Variants in WDR88 observed in about 807,000 individuals in gnomAD.
The protein encoded by WDR88 is WD repeat-containing protein 88.
WDR88 carries 40 observed loss-of-function variants against 46.8 expected under a neutral mutation model. The ratio of observed to expected loss-of-function variants is 0.86; its 90% CI spans 0.66 to 1.11. WDR88 has a LOEUF of 1.11. Among genes scored for constraint, WDR88 ranks in the 50% most tolerant of loss-of-function variants. The pLI, the probability that WDR88 is intolerant of heterozygous loss-of-function variation, is 0.00. For synonymous variants in WDR88, 235 were observed against 240.7 expected (o/e 0.98, Z 0.22); for missense variants, 562 against 602.4 (o/e 0.93, Z 0.70).
intron 10 of WDR88, chr19:33,174,454 A>G (rs1189326690): frequency 5.5e-5 from 54 of 985,252 alleles, no homozygotes; most frequent in Non-Finnish European, 6.4e-5. Context: ...GCCTCTGCCC[A>G]TGGCCTAGGA....
chr19:33,152,271 A>G (rs1050647759), intron 6 of WDR88, among the ~76,000 whole-genome samples: 1 of 151,510 alleles, frequency 6.6e-6, no homozygotes, highest in South Asian at 2.1e-4. Context: ...ACAACATAAA[A>G]CATGATATTT....
intron 7 of WDR88, among the ~76,000 whole-genome samples, chr19:33,160,036 C>T (rs375552648): frequency 2.6e-5 from 4 of 152,052 alleles, no homozygotes; most frequent in East Asian, 1.9e-4. Context: ...CCGTGAGAAT[C>T]GAATGCTGCA....
chr19:33,133,605 A>G (rs1433718846), intron 1 of WDR88, among the ~76,000 whole-genome samples: 1 of 152,208 alleles, frequency 6.6e-6, no homozygotes, highest in African/African-American at 2.4e-5. Context: ...ACTCACATGC[A>G]GATGTCAGAG....
chr19:33,139,393 G>A (rs1973343583), intron 2 of WDR88, among the ~76,000 whole-genome samples: 1 of 152,258 alleles, frequency 6.6e-6, no homozygotes, highest in Non-Finnish European at 1.5e-5. Flanking sequence ...AGAAGGCTGT[G>A]TGGCTGGGGC....
In WDR88 at chr19:33,155,079, C is replaced by T. The variant is rs117842397; in HGVS notation, c.810-1276C>T. ...GTTACAAACAAAAAGTGGCAAAATA[C>T]AGACAGGCTTTTTATTATTATTATT... On this transcript the variant is annotated intron_variant, in intron 6 of 10. Coordinates refer to ENST00000355868, the MANE Select transcript of WDR88 (RefSeq NM_173479.4). Among the ~76,000 whole-genome samples, 559 of 152,294 alleles carry T rather than the reference C, an allele frequency of 3.7e-3. 6 individuals carry two copies. Among genetic ancestry groups the T allele is most frequent in the Admixed American group, 7.7e-3 (118 of 15,286 alleles).
intron 7 of WDR88, among the ~76,000 whole-genome samples, chr19:33,159,072 T>G (rs960419213): frequency 6.6e-6 from 1 of 151,810 alleles, no homozygotes; most frequent in South Asian, 2.1e-4. Context: ...GCTCACAGCT[T>G]TAATTTCAGT....
intron 10 of WDR88, among the ~76,000 whole-genome samples, chr19:33,173,055 G>C (rs940370450): frequency 1.6e-5 from 2 of 123,564 alleles, no homozygotes; most frequent in Non-Finnish European, 3.2e-5. Context: ...TTGCGCCACT[G>C]CACTCTAGCC....
chr19:33,138,978 G>A (rs1377761031), intron 2 of WDR88, among the ~76,000 whole-genome samples: 4 of 152,080 alleles, frequency 2.6e-5, no homozygotes, highest in East Asian at 1.9e-4. Flanking sequence ...CACTGTGCCC[G>A]GCCACCCCAC....
At chr19:33,157,708 T>C (rs1164837843) in intron 7 of WDR88, among the ~76,000 whole-genome samples, 6 of 21,982 alleles carry the variant, frequency 2.7e-4, no homozygotes, top group Non-Finnish European at 4.5e-4. Flanking sequence ...TATATATATA[T>C]ATATATATAT....
rs1438482147 is a variant in WDR88 at position 33,161,555 on chromosome 19, G to A, written c.1080+1059G>A. On this transcript the variant is annotated intron_variant, in intron 8 of 10. Transcript: ENST00000355868. ...TGTGTCCTTGAGCAGCCCATATTCA[G>A]GTCCCTGGGGCTGGTCTATCTGAGC... 4.6e-5 allele frequency among the ~76,000 whole-genome samples: 7 copies of A among 152,150 alleles called. No individual in the cohort carries two copies. The East Asian group carries it at 1.4e-3, about 29-fold the overall frequency.
intron 6 of WDR88, among the ~76,000 whole-genome samples, chr19:33,154,571 T>C (rs1005676192): frequency 3.3e-4 from 50 of 152,242 alleles, no homozygotes; most frequent in African/African-American, 1.2e-3. Context: ...TTCCATGGTG[T>C]ATATGTACCA....
chr19:33,172,421 T>C lies in WDR88; in HGVS notation c.1223T>C (p.Val408Ala). ...IPLVIKYKKA[V>A]GLKLKQCERC... ...TTGGTAATCAAGTACAAAAAGGCCG[T>C]GGGCTTAAAGTTGAAACAGGTTGGT... The change falls in exon 10 of 11, where the codon GTG becomes GCG. Residue 408 changes from valine to alanine, a missense_variant. Physicochemically the swap from Val to Ala is moderately conservative, Grantham distance 64 (BLOSUM62 0). Transcript: ENST00000355868. 6.2e-7 allele frequency: 1 copy of C among 1,614,120 alleles called. No individual in the cohort carries two copies. The highest frequency in any genetic ancestry group is 8.5e-7 in the Non-Finnish European group (1 of 1,179,994).
Position 33,173,586 on chromosome 19 carries a change from A to C in WDR88, c.1242+1146A>C, listed in dbSNP as rs553052466. 1.6e-3 allele frequency among the ~76,000 whole-genome samples: 251 copies of C among 152,328 alleles called. 1 individual carries two copies. Among genetic ancestry groups the C allele is most frequent in the African/African-American group, 5.3e-3 (222 of 41,578 alleles). ...CCTCCTCTCAGAAGGTTCGGCTGGG[A>C]GCCACTGCTTCTGGGAATGGCTAAT... On this transcript the variant is annotated intron_variant, in intron 10 of 10. Coordinates refer to ENST00000355868, the MANE Select transcript of WDR88 (RefSeq NM_173479.4).
rs570886116 is a variant in WDR88 at position 33,145,593 on chromosome 19, G to A, written c.476+661G>A. On this transcript the variant is annotated intron_variant, in intron 3 of 10. Transcript: ENST00000355868. The stretch of plus-strand genomic sequence containing the variant: ...TCTGTTGCCCAGGCTGGAGTATAGT[G>A]GTGCGATCTCGGCTCATTGCAACCT... Among the ~76,000 whole-genome samples the A allele has an allele frequency of 2.0e-5, 3 of 151,714 alleles. No homozygotes were observed. The East Asian group carries it at 5.9e-4, about 30-fold the overall frequency.
intron 6 of WDR88, among the ~76,000 whole-genome samples, chr19:33,155,763 A>T (rs910080682): frequency 1.1e-4 from 17 of 152,206 alleles, no homozygotes; most frequent in Admixed American, 1.1e-3. Flanking sequence ...AAATGAGGGC[A>T]ATTTGTGCCC....
chr19:33,158,934 A>G (rs901600264), intron 7 of WDR88, among the ~76,000 whole-genome samples: 2 of 151,996 alleles, frequency 1.3e-5, no homozygotes, highest in Admixed American at 6.6e-5. Context: ...TCCTGTCCTC[A>G]TGTGATCTGC....
In WDR88 at chr19:33,132,196, G is replaced by C. The variant is rs773480618; in HGVS notation, c.27G>C (p.Pro9=). 6.2e-7 allele frequency: 1 copy of C among 1,603,168 alleles called. No homozygotes were observed. The change falls in exon 1 of 11, where the codon CCG becomes CCC. Residue 9 remains proline (P), a synonymous_variant. Transcript: ENST00000355868. ...TGGCCTCCCCGCCGCGGTGCTCCCC[G>C]ACAGCCCATGACAGGGAATGCAAGT... The part of the protein sequence containing the change: MASPPRCS[P]TAHDRECKLP...
At chr19:33,154,526 G>A (rs1973698192) in intron 6 of WDR88, among the ~76,000 whole-genome samples, 1 of 152,086 alleles carries the variant, frequency 6.6e-6, no homozygotes, top group Admixed American at 6.6e-5. Context: ...CCCTGCAAAG[G>A]ACATGATCTC....
intron 2 of WDR88, among the ~76,000 whole-genome samples, chr19:33,141,669 A>G (rs1272771460): frequency 2.0e-5 from 3 of 152,002 alleles, no homozygotes; most frequent in Non-Finnish European, 4.4e-5. Context: ...CAATGAGGGG[A>G]AAAGGGTTTT....
Sources: gnomAD v4.1 joint callset for allele counts (sites outside exome capture counted in the v4.1 genomes callset) on GRCh38, gnomAD v4.1.1 for gene constraint, MANE v1.5 for transcripts, NCBI Gene and HGNC (gene_info 2026-07-23, HGNC 2026-07-21) for gene names.